PRKN: variants seen among roughly 807,000 people sequenced by gnomAD.
PRKN encodes the protein E3 ubiquitin-protein ligase parkin.
A neutral mutation model predicts 59.5 loss-of-function variants in PRKN; 56 were observed. That is an observed-to-expected ratio of 0.94 (90% CI 0.76 to 1.18). The LOEUF (loss-of-function observed/expected upper bound fraction) is 1.18, where lower values mean the gene tolerates loss of function less well. PRKN is among the 50% of genes most tolerant of loss of function. The pLI, the probability that PRKN is intolerant of heterozygous loss-of-function variation, is 0.00. For missense variants in PRKN, 657 were observed against 596.4 expected (o/e 1.10, Z -1.06); for synonymous variants, 250 against 222.1 (o/e 1.13, Z -1.12).
chr6:162,005,956 T>G (rs904469181), intron 5 of PRKN, among the ~76,000 whole-genome samples: 1 of 152,120 alleles, frequency 6.6e-6, no homozygotes, highest in Non-Finnish European at 1.5e-5. Flanking sequence ...TGTATATATA[T>G]ATATATCTAC....
chr6:161,426,524 C>T (rs542376472), intron 9 of PRKN, among the ~76,000 whole-genome samples: 3 of 152,044 alleles, frequency 2.0e-5, no homozygotes, highest in African/African-American at 4.8e-5. Flanking sequence ...CCTTGAACAT[C>T]GAACTCCAAG....
intron 1 of PRKN, among the ~76,000 whole-genome samples, chr6:162,693,441 GT>G (rs1777851620): frequency 6.6e-6 from 1 of 152,176 alleles, no homozygotes; most frequent in Non-Finnish European, 1.5e-5. Context: ...TCTTCACATG[GT>G]TTTGGGCTGA....
intron 1 of PRKN, among the ~76,000 whole-genome samples, chr6:162,613,508 T>C (rs1178545909): frequency 6.6e-6 from 1 of 152,172 alleles, no homozygotes; most frequent in East Asian, 1.9e-4. Flanking sequence ...ACAGGTGCAG[T>C]TGTTTAACGG....
intron 6 of PRKN, among the ~76,000 whole-genome samples, chr6:161,820,109 CATT>C (rs1791959012): frequency 6.6e-6 from 1 of 152,090 alleles, no homozygotes; most frequent in Non-Finnish European, 1.5e-5. Context: ...TGTTTAACCT[CATT>C]ATTAATAGTA....
chr6:161,774,602 G>A (rs748295207), intron 7 of PRKN, among the ~76,000 whole-genome samples: 20 of 152,258 alleles, frequency 1.3e-4, no homozygotes, highest in Non-Finnish European at 2.2e-4. Context: ...TGAGACACAG[G>A]GGCTGCTGTG....
chr6:161,999,768 C>A lies in PRKN; in HGVS notation c.619-26351G>T, dbSNP rs543529505. Among the ~76,000 whole-genome samples the A allele has an allele frequency of 2.0e-5, 3 of 152,162 alleles. No homozygotes were observed. In the South Asian group the frequency reaches 6.2e-4, roughly 32 times the overall value. On this transcript the variant is annotated intron_variant, in intron 5 of 11. Coordinates refer to ENST00000366898, the MANE Select transcript of PRKN (RefSeq NM_004562.3). The stretch of plus-strand genomic sequence containing the variant: ...ACAGGACACTTTGGTCAGCTAATTT[C>A]CGCAAACAAGCTTTAGAGGACTTTT...
chr6:162,447,075 T>C (rs1337161001), intron 1 of PRKN, among the ~76,000 whole-genome samples: 1 of 152,180 alleles, frequency 6.6e-6, no homozygotes, highest in Non-Finnish European at 1.5e-5. Context: ...TTACACAAGA[T>C]TTATTGAGAT....
chr6:161,601,013 T>G (rs1303230604), intron 7 of PRKN, among the ~76,000 whole-genome samples: 1 of 152,234 alleles, frequency 6.6e-6, no homozygotes, highest in Non-Finnish European at 1.5e-5. Context: ...TATTTATTAT[T>G]GAAAATTCCT....
intron 6 of PRKN, among the ~76,000 whole-genome samples, chr6:161,955,410 A>G (rs1016247341): frequency 6.6e-6 from 1 of 152,238 alleles, no homozygotes; most frequent in African/African-American, 2.4e-5. Context: ...ATTATCAAAA[A>G]AGAAAACAGA....
chr6:162,066,998 T>C (rs1778367492), intron 4 of PRKN, among the ~76,000 whole-genome samples: 1 of 152,178 alleles, frequency 6.6e-6, no homozygotes, highest in African/African-American at 2.4e-5. Context: ...GCCATGTAAG[T>C]GATGACCAAC....
intron 7 of PRKN, among the ~76,000 whole-genome samples, chr6:161,672,216 T>C (rs549267359): frequency 3.3e-5 from 5 of 152,148 alleles, no homozygotes; most frequent in Admixed American, 2.0e-4. Context: ...AACGTGTAGA[T>C]ACTAAATGTA....
At chr6:161,785,689 A>G (rs1392901236) in intron 7 of PRKN, 83 bp downstream of exon 7, 7 of 1,326,974 alleles carry the variant, frequency 5.3e-6, no homozygotes, top group African/African-American at 2.9e-5. Flanking sequence ...GGGTTTACGT[A>G]TATCTAAGCC....
chr6:162,256,580 C>T lies in PRKN; in HGVS notation c.412+5945G>A, dbSNP rs549377528. On this transcript the variant is annotated intron_variant, in intron 3 of 11. Transcript: ENST00000366898. Reference sequence around the variant, plus strand: ...ATGGACCTCCCCAGCTGTAAATACCCTGCCTCCACGCTCATTCCTGTCAAG... The same window carrying T: ...ATGGACCTCCCCAGCTGTAAATACCTTGCCTCCACGCTCATTCCTGTCAAG... Among the ~76,000 whole-genome samples the T allele has an allele frequency of 2.0e-5, 3 of 152,302 alleles. No homozygotes were observed. In the South Asian group the frequency reaches 6.2e-4, roughly 32 times the overall value.
At position 161,581,041 on chromosome 6, in the gene PRKN, A is replaced by AACACACACACACACACACACAC. The variant is rs71004055; in HGVS notation, c.872-11647_872-11626dup. Among the ~76,000 whole-genome samples, 6 of 137,538 alleles carry AACACACACACACACACACACAC rather than the reference A, an allele frequency of 4.4e-5. No homozygotes were observed. Among genetic ancestry groups the AACACACACACACACACACACAC allele is most frequent in the Admixed American group, 2.2e-4 (3 of 13,802 alleles). 90.2% of individuals were successfully genotyped at this position (137,538 alleles called of 152,430 possible). ...ACACAGTGAAATCCTGTCTCTACTA[A>AACACACACACACACACACACAC]ACACACACACACACACACACACACA... On this transcript the variant is annotated intron_variant, in intron 7 of 11. Coordinates refer to ENST00000366898, the MANE Select transcript of PRKN (RefSeq NM_004562.3). The surrounding 1 kb of genome is among the most constrained non-coding windows in gnomAD (Gnocchi z 4.5).
intron 1 of PRKN, among the ~76,000 whole-genome samples, chr6:162,554,049 T>C (rs1779447956): frequency 6.6e-6 from 1 of 152,184 alleles, no homozygotes; most frequent in South Asian, 2.1e-4. Flanking sequence ...TGCTTCATTT[T>C]GTTATTTTGG....
chr6:161,367,942 C>T (rs1274570207), intron 10 of PRKN, among the ~76,000 whole-genome samples: 1 of 152,094 alleles, frequency 6.6e-6, no homozygotes, highest in African/African-American at 2.4e-5. Context: ...AGACCCAGGC[C>T]GCCTGGCCTG....
Position 161,680,752 on chromosome 6 carries a change from TATATATATATA to T in PRKN, c.871+105009_871+105019del, listed in dbSNP as rs1785301128. On this transcript the variant is annotated intron_variant, in intron 7 of 11. Transcript: ENST00000366898. ...ATATATATATATATATATATATATA[TATATATATATA>T]TATATATATATATTTTTTTTTTTTT... Among the ~76,000 whole-genome samples the T allele has an allele frequency of 4.2e-4, 14 of 33,436 alleles. 1 individual carries two copies. Among genetic ancestry groups the T allele is most frequent in the African/African-American group, 1.8e-3 (13 of 7,194 alleles). 21.9% of individuals were successfully genotyped at this position (33,436 alleles called of 152,430 possible).
chr6:161,916,573 T>C (rs1778566168), intron 6 of PRKN, among the ~76,000 whole-genome samples: 1 of 152,226 alleles, frequency 6.6e-6, no homozygotes, highest in South Asian at 2.1e-4. Flanking sequence ...TGCAATGGTC[T>C]GGGCTCTTTT....
chr6:161,350,568 TTATATTTAAAATATATAAATATATTTTTA>T (rs1295237914), intron 11 of PRKN, among the ~76,000 whole-genome samples: 4 of 140,516 alleles, frequency 2.8e-5, no homozygotes, highest in African/African-American at 1.1e-4. Context: ...ATTAATATAT[TTATATTTAAAATATATAAATATATTTTTA>T]TATATTTATA....
Sources: allele counts gnomAD v4.1 joint callset (sites outside exome capture counted in the v4.1 genomes callset), GRCh38; gene constraint gnomAD v4.1.1; non-coding constraint Gnocchi (gnomAD v3.1); transcripts MANE v1.5; gene names NCBI Gene and HGNC (gene_info 2026-07-23, HGNC 2026-07-21).